The following SEC63 variants were observed in gnomAD, a reference collection of about 807,000 sequenced individuals.
The protein encoded by SEC63 is translocation protein SEC63 homolog.
SEC63 carries 56 observed loss-of-function variants against 116.2 expected under a neutral mutation model. That is an observed-to-expected ratio of 0.48 (90% CI 0.39 to 0.60). SEC63 has a LOEUF of 0.60. SEC63 is among the 20% of genes least tolerant of loss of function. The pLI, the probability that SEC63 is intolerant of heterozygous loss-of-function variation, is 0.00. For synonymous variants in SEC63, 273 were observed against 294.6 expected, an observed-to-expected ratio of 0.93 and a Z score of 0.75; for missense variants, 668 against 900.0, an observed-to-expected ratio of 0.74 and a Z score of 3.30.
At chr6:107,888,124 G>T (rs891890560) in intron 16 of SEC63, among the ~76,000 whole-genome samples, 20 of 152,246 alleles carry the variant, frequency 1.3e-4, no homozygotes, top group African/African-American at 4.8e-4. Context: ...TTCCAATTCT[G>T]TGAAGAAAGT....
At chr6:107,930,173 CTTTTTTTTTTTT>C (rs1206634310) in intron 1 of SEC63, 4 of 89,292 alleles carry the variant, frequency 4.5e-5, no homozygotes, top group African/African-American at 8.9e-5. Flanking sequence ...GCAAAGTATT[CTTTTTTTTTTTT>C]TTTTTTTTTT....
chr6:107,883,130 T>G lies in SEC63; in HGVS notation c.1691A>C (p.Glu564Ala), dbSNP rs754516710. 2.9e-5 allele frequency: 47 copies of G among 1,612,304 alleles called. No individual in the cohort carries two copies. The highest frequency in any genetic ancestry group is 2.5e-5 in the Non-Finnish European group (29 of 1,179,604). ...CTTATCTGAAACTTCTTCTTCATCT[T>G]CCTTTACTGCAGCTTCCTAAAAGGG... ...GVVGNEAAVK[E>A]DEEEVSDKGS... is the part of the protein sequence containing the mutation. The change falls in exon 17 of 21, where the codon GAA becomes GCA. Residue 564 changes from glutamate to alanine, a missense_variant. Glu to Ala is a moderately radical substitution (Grantham distance 107). Around this residue, in one of 5 missense-constraint regions of SEC63, gnomAD observed 430 missense variants for 557.5 expected, o/e 0.77. Transcript: ENST00000369002.
intron 2 of SEC63, among the ~76,000 whole-genome samples, chr6:107,926,948 A>T (rs1399164988): frequency 6.6e-6 from 1 of 152,224 alleles, no homozygotes; most frequent in Non-Finnish European, 1.5e-5. Flanking sequence ...CAAAGATAGA[A>T]ACATAACGGA....
intron 1 of SEC63, among the ~76,000 whole-genome samples, chr6:107,934,980 C>T (rs1190128892): frequency 1.0e-4 from 12 of 115,686 alleles, no homozygotes; most frequent in Admixed American, 2.7e-4. Context: ...CCGCCCCGTC[C>T]GGCAGGGAGG....
chr6:107,957,874 G>C lies in SEC63; in HGVS notation c.124+12C>G. On this transcript the variant is annotated intron_variant, in intron 1 of 20. Coordinates refer to ENST00000369002, the MANE Select transcript of SEC63 (RefSeq NM_007214.5). ...CTGCGCGGGTTCGCGGGCAAAGGCCGGCGGGACTCACCGGCATTCTGATCT... is the reference window on the plus strand; with the variant it reads ...CTGCGCGGGTTCGCGGGCAAAGGCCCGCGGGACTCACCGGCATTCTGATCT... 6.2e-7 allele frequency: 1 copy of C among 1,608,752 alleles called. No homozygotes were observed.
intron 14 of SEC63, among the ~76,000 whole-genome samples, chr6:107,894,646 A>C (rs766987354): frequency 3.9e-5 from 6 of 152,238 alleles, no homozygotes; most frequent in Non-Finnish European, 8.8e-5. Flanking sequence ...GATGACATGC[A>C]GGCTGTGTTT....
intron 1 of SEC63, among the ~76,000 whole-genome samples, chr6:107,941,447 G>A (rs981692043): frequency 1.3e-5 from 2 of 151,452 alleles, no homozygotes; most frequent in East Asian, 1.9e-4. Flanking sequence ...AGGCTGCAAT[G>A]AGCCATGACT....
At chr6:107,955,011 G>A (rs1583785150) in intron 1 of SEC63, among the ~76,000 whole-genome samples, 1 of 152,344 alleles carries the variant, frequency 6.6e-6, no homozygotes, top group South Asian at 2.1e-4. Flanking sequence ...AGAGCCGGAT[G>A]TAAAACGGGC....
Position 107,889,296 on chromosome 6 carries a change from G to A in SEC63, c.1674+4186C>T, listed in dbSNP as rs189574786. On this transcript the variant is annotated intron_variant, in intron 16 of 20. Coordinates refer to ENST00000369002, the MANE Select transcript of SEC63 (RefSeq NM_007214.5). The stretch of plus-strand genomic sequence containing the variant: ...TTGTTATTGATCTAGTCAGGGATTC[G>A]ACTTCTTAATGATTTAGTCCTGGGA... 1.5e-3 allele frequency among the ~76,000 whole-genome samples: 232 copies of A among 152,106 alleles called. 2 individuals are homozygous for A. Among genetic ancestry groups the A allele is most frequent in the Middle Eastern group, 3.4e-3 (1 of 294 alleles).
intron 4 of SEC63, among the ~76,000 whole-genome samples, chr6:107,916,171 G>A (rs1247014524): frequency 6.6e-6 from 1 of 152,150 alleles, no homozygotes; most frequent in East Asian, 1.9e-4. Flanking sequence ...TAATTAAATA[G>A]TCTTGGCTAC....
chr6:107,906,034 C>G (rs772697610), intron 10 of SEC63, among the ~76,000 whole-genome samples: 2 of 152,116 alleles, frequency 1.3e-5, no homozygotes, highest in Admixed American at 6.5e-5. Flanking sequence ...ATGGTAATCC[C>G]CAATGCTGGA....
Position 107,882,974 on chromosome 6 carries a change from C to A in SEC63, c.1833+14G>T, listed in dbSNP as rs200283805. The A allele has an allele frequency of 1.3e-5, 19 of 1,506,748 alleles. No homozygotes were observed. In the East Asian group the frequency reaches 4.3e-4, roughly 34 times the overall value. The allele number at this position is 1,506,748 out of a possible 1,614,324, so 93.3% of individuals were successfully genotyped here. A position where few individuals can be genotyped will look rare whatever the true frequency, so the allele number is the denominator to read the frequency against. On this transcript the variant is annotated intron_variant, in intron 17 of 20. Transcript: ENST00000369002. ...ATTCCAATTATTTAAATTATTTAAA[C>A]CTATAAGGCTTACTGCTTCATCATC...
chr6:107,894,510 T>TA (rs768404692), intron 14 of SEC63, among the ~76,000 whole-genome samples: 15 of 8,058 alleles, frequency 1.9e-3, no homozygotes, highest in African/African-American at 0.011. Flanking sequence ...CCCATATCTA[T>TA]AAAAAAAAAA....
chr6:107,953,001 T>C (rs1417807417), intron 1 of SEC63, among the ~76,000 whole-genome samples: 1 of 152,170 alleles, frequency 6.6e-6, no homozygotes, highest in African/African-American at 2.4e-5. Flanking sequence ...GGCTCACGCC[T>C]GTAATCCCAG....
intron 5 of SEC63, 131 bp from the exon 6 acceptor site, chr6:107,912,905 A>T (rs1331858077): frequency 4.1e-6 from 3 of 735,906 alleles, no homozygotes; most frequent in Non-Finnish European, 7.1e-6. Context: ...TTTGAGAAAG[A>T]TTATCTTATT....
At chr6:107,931,216 C>T (rs1020116383) in intron 1 of SEC63, among the ~76,000 whole-genome samples, 1 of 151,698 alleles carries the variant, frequency 6.6e-6, no homozygotes, top group African/African-American at 2.4e-5. Context: ...GTGGCGCGTG[C>T]CTGTAATCCC....
intron 4 of SEC63, among the ~76,000 whole-genome samples, chr6:107,918,627 G>A (rs1192871188): frequency 6.6e-6 from 1 of 151,434 alleles, no homozygotes; most frequent in African/African-American, 2.4e-5. Flanking sequence ...AGGAGGCAAA[G>A]GTAGCAGTAA....
chr6:107,902,684 A>C (rs1297656884), intron 12 of SEC63, among the ~76,000 whole-genome samples, 160 bp downstream of exon 12: 1 of 152,216 alleles, frequency 6.6e-6, no homozygotes, highest in African/African-American at 2.4e-5. Flanking sequence ...CCTAGTCAAG[A>C]AAATGTTAAC....
rs142073913 is a variant in SEC63 at position 107,954,047 on chromosome 6, T to C, written c.124+3839A>G. ...AAAGAGGGGAAAGGCAGGGAAAGGA[T>C]TGGGAAATCGGATGGTTGCCATGTC... is the stretch of plus-strand genomic sequence containing the variant. On this transcript the variant is annotated intron_variant, in intron 1 of 20. Coordinates refer to ENST00000369002, the MANE Select transcript of SEC63 (RefSeq NM_007214.5). 2.8e-3 allele frequency among the ~76,000 whole-genome samples: 427 copies of C among 152,160 alleles called. 3 individuals are homozygous for C. Among genetic ancestry groups the C allele is most frequent in the African/African-American group, 9.7e-3 (404 of 41,514 alleles).
Sources: allele counts gnomAD v4.1 joint callset (sites outside exome capture counted in the v4.1 genomes callset), GRCh38; gene constraint gnomAD v4.1.1; regional missense constraint gnomAD v4.1.1; transcripts MANE v1.5; gene names NCBI Gene and HGNC (gene_info 2026-07-23, HGNC 2026-07-21).